Variants in RABGAP1L observed in about 807,000 individuals in gnomAD.
The protein encoded by RABGAP1L is rab GTPase-activating protein 1-like.
In RABGAP1L, 63 loss-of-function variants were observed where a neutral mutation model predicts 137.7. The ratio of observed to expected loss-of-function variants is 0.46; its 90% CI spans 0.37 to 0.56. The LOEUF (loss-of-function observed/expected upper bound fraction) is 0.56. RABGAP1L is among the 20% of genes least tolerant of loss of function. RABGAP1L has a pLI of 0.00. For missense variants in RABGAP1L, 1,095 were observed against 1,244.0 expected (o/e 0.88, Z 1.80); for synonymous variants, 431 against 433.7 (o/e 0.99, Z 0.08).
At chr1:174,651,659 C>T (rs1039870213) in intron 14 of RABGAP1L, among the ~76,000 whole-genome samples, 1 of 151,988 alleles carries the variant, frequency 6.6e-6, no homozygotes, top group Non-Finnish European at 1.5e-5. Flanking sequence ...GATTGCAACC[C>T]CTGCCTTTTT....
At chr1:174,633,059 AG>A (rs1440754279) in intron 13 of RABGAP1L, among the ~76,000 whole-genome samples, 7 of 152,114 alleles carry the variant, frequency 4.6e-5, no homozygotes, top group African/African-American at 1.7e-4. Flanking sequence ...AAGGAAATAA[AG>A]GGTATTCAAT....
At chr1:174,858,767 CACTT>C (rs1397453040) in intron 19 of RABGAP1L, among the ~76,000 whole-genome samples, 1 of 152,152 alleles carries the variant, frequency 6.6e-6, no homozygotes, top group Non-Finnish European at 1.5e-5. Context: ...TGGCCTGAGA[CACTT>C]ATTATTACTA....
At chr1:174,353,871 T>C (rs1683395973) in intron 11 of RABGAP1L, among the ~76,000 whole-genome samples, 1 of 152,244 alleles carries the variant, frequency 6.6e-6, no homozygotes, top group African/African-American at 2.4e-5. Context: ...AGCTACTCTT[T>C]CTTTACCATG....
chr1:174,664,681 T>C (rs1557963847), intron 14 of RABGAP1L, among the ~76,000 whole-genome samples: 1 of 151,606 alleles, frequency 6.6e-6, no homozygotes, highest in Non-Finnish European at 1.5e-5. Flanking sequence ...CTAGTGAATT[T>C]TGTGATTATG....
intron 13 of RABGAP1L, among the ~76,000 whole-genome samples, chr1:174,446,056 T>C (rs1654726361): frequency 6.6e-6 from 1 of 152,152 alleles, no homozygotes. Context: ...GAGTCACCTT[T>C]CTGATGGTGA....
intron 13 of RABGAP1L, among the ~76,000 whole-genome samples, chr1:174,496,328 T>C (rs967830464): frequency 6.6e-6 from 1 of 152,050 alleles, no homozygotes; most frequent in Non-Finnish European, 1.5e-5. Flanking sequence ...ACTTCAAAAG[T>C]AGGAAACAGG....
chr1:174,539,774 A>G (rs1031192499), intron 13 of RABGAP1L, among the ~76,000 whole-genome samples: 25 of 152,118 alleles, frequency 1.6e-4, no homozygotes, highest in Non-Finnish European at 3.4e-4. Context: ...TGTCTTTATA[A>G]CAGCATGATT....
chr1:174,597,193 C>G (rs1670011751), intron 13 of RABGAP1L, among the ~76,000 whole-genome samples: 5 of 151,798 alleles, frequency 3.3e-5, no homozygotes. Flanking sequence ...TTTGATGTGT[C>G]TTTGTCTGGT....
intron 19 of RABGAP1L, among the ~76,000 whole-genome samples, chr1:174,817,463 T>C (rs1036724942): frequency 6.6e-6 from 1 of 151,980 alleles, no homozygotes; most frequent in Non-Finnish European, 1.5e-5. Flanking sequence ...AAAAAAAATA[T>C]GGAGTTGCCC....
At chr1:174,776,266 C>T (rs1211967387) in intron 18 of RABGAP1L, among the ~76,000 whole-genome samples, 2 of 151,904 alleles carry the variant, frequency 1.3e-5, no homozygotes, top group African/African-American at 4.8e-5. Context: ...CCCAGCTACT[C>T]GGGAGGCTGA....
At chr1:174,590,351 TA>T (rs145744933) in intron 13 of RABGAP1L, among the ~76,000 whole-genome samples, 30,425 of 139,858 alleles carry the variant, frequency 0.22, 3,190 homozygotes, top group Non-Finnish European at 0.24. Flanking sequence ...TTTTTTTATT[TA>T]TTTTTTTTTT....
At chr1:174,397,100 C>T (rs1647966163) in intron 13 of RABGAP1L, among the ~76,000 whole-genome samples, 1 of 152,058 alleles carries the variant, frequency 6.6e-6, no homozygotes. Context: ...TGTGATTGTG[C>T]CATCAAACTT....
chr1:174,259,123 G>A (rs1033267489), intron 7 of RABGAP1L, among the ~76,000 whole-genome samples: 1 of 151,130 alleles, frequency 6.6e-6, no homozygotes, highest in Non-Finnish European at 1.5e-5. Flanking sequence ...AATATATTAT[G>A]AAAGAAGCCA....
intron 13 of RABGAP1L, among the ~76,000 whole-genome samples, chr1:174,461,853 T>C (rs1656727221): frequency 6.6e-6 from 1 of 152,166 alleles, no homozygotes; most frequent in South Asian, 2.1e-4. Context: ...TCAGTGGACT[T>C]ATAGGCTCTT....
intron 13 of RABGAP1L, among the ~76,000 whole-genome samples, chr1:174,600,557 T>C (rs1287750819): frequency 6.6e-6 from 1 of 151,626 alleles, no homozygotes; most frequent in East Asian, 1.9e-4. Flanking sequence ...ATGGGAGAAA[T>C]TGGCCAAAAA....
chr1:174,833,368 TTGTGTGTGTG>T (rs71117578), intron 19 of RABGAP1L, among the ~76,000 whole-genome samples: 88 of 108,502 alleles, frequency 8.1e-4, no homozygotes, highest in Non-Finnish European at 8.3e-4. Context: ...ACCAGCTAAT[TTGTGTGTGTG>T]TGTGTGTGTG....
intron 11 of RABGAP1L, among the ~76,000 whole-genome samples, chr1:174,332,568 G>A (rs1404684401): frequency 6.6e-6 from 1 of 151,948 alleles, no homozygotes; most frequent in Non-Finnish European, 1.5e-5. Context: ...GCTAATTTTT[G>A]TATTTTTAGT....
chr1:174,388,521 T>C (rs1686983195), intron 12 of RABGAP1L, among the ~76,000 whole-genome samples: 1 of 151,840 alleles, frequency 6.6e-6, no homozygotes, highest in Admixed American at 6.6e-5. Context: ...ACATTTGGGA[T>C]AGGAGAACTT....
At chr1:174,655,822 C>G (rs1675928718) in intron 14 of RABGAP1L, among the ~76,000 whole-genome samples, 1 of 152,164 alleles carries the variant, frequency 6.6e-6, no homozygotes. Flanking sequence ...AGACTTCAAG[C>G]TGGTTTCTGT....
Sources: allele counts gnomAD v4.1 joint callset (sites outside exome capture counted in the v4.1 genomes callset), GRCh38; gene constraint gnomAD v4.1.1; transcripts MANE v1.5; gene names NCBI Gene and HGNC (gene_info 2026-07-23, HGNC 2026-07-21).